The following LIMCH1 variants were observed in gnomAD, a reference collection of about 807,000 sequenced individuals.
The protein encoded by LIMCH1 is LIM and calponin homology domains 1.
Under a neutral mutation model 176.5 loss-of-function variants are expected in LIMCH1, and 113 were observed. The ratio of observed to expected loss-of-function variants is 0.64; its 90% CI spans 0.55 to 0.75. The LOEUF (loss-of-function observed/expected upper bound fraction) is 0.75. Ranked by LOEUF, LIMCH1 falls within the 30% of genes least tolerant of loss-of-function variation. The probability of loss-of-function intolerance (pLI) is 0.00; values close to 1 mark genes in which losing one functional copy is unlikely to be tolerated. For missense variants in LIMCH1, 1,674 were observed against 1,814.9 expected, an observed-to-expected ratio of 0.92 and a Z score of 1.41; for synonymous variants, 619 against 645.9, an observed-to-expected ratio of 0.96 and a Z score of 0.63.
At chr4:41,395,229 ATTTTTT>A (rs757933680) in intron 1 of LIMCH1, among the ~76,000 whole-genome samples, 1 of 130,914 alleles carries the variant, frequency 7.6e-6, no homozygotes. Context: ...GTAGAAGTTA[ATTTTTT>A]TTTTTTTTTT....
At chr4:41,487,585 T>C (rs1320203421) in intron 1 of LIMCH1, among the ~76,000 whole-genome samples, 1 of 151,936 alleles carries the variant, frequency 6.6e-6, no homozygotes, top group East Asian at 1.9e-4. Context: ...ATGCATTACA[T>C]ACTAAGATAA....
intron 22 of LIMCH1, among the ~76,000 whole-genome samples, chr4:41,675,653 T>G: frequency 6.8e-6 from 1 of 146,700 alleles, no homozygotes; most frequent in Non-Finnish European, 1.5e-5. Flanking sequence ...GTGATTTCCC[T>G]TCCCCCCACC....
intron 1 of LIMCH1, among the ~76,000 whole-genome samples, chr4:41,557,317 C>T (rs762697758): frequency 6.6e-5 from 10 of 152,118 alleles, no homozygotes; most frequent in Middle Eastern, 3.4e-3. Context: ...TTTGAAGCTT[C>T]GTAAAAAGGG....
rs745783001 is a variant in LIMCH1 at position 41,676,466 on chromosome 4, G to A, written c.3519+4G>A. ...GGAACAGGAACGTTTGCTCCAGGTA[G>A]GATGGAGTTTGCTGCTTTTTTTGTT... On this transcript the variant is annotated splice_donor_region_variant and intron_variant, in intron 23 of 31. Transcript: ENST00000503057. The A allele has an allele frequency of 6.2e-7, 1 of 1,611,724 alleles. No homozygotes were observed. Among genetic ancestry groups the A allele is most frequent in the Non-Finnish European group, 8.5e-7 (1 of 1,177,854 alleles).
intron 1 of LIMCH1, among the ~76,000 whole-genome samples, chr4:41,598,205 T>C (rs981681483): frequency 2.6e-5 from 4 of 152,148 alleles, no homozygotes; most frequent in African/African-American, 9.7e-5. Context: ...TTCAGAAGCA[T>C]TTGTTTGTAC....
chr4:41,460,193 G>T (rs532778895), intron 1 of LIMCH1, among the ~76,000 whole-genome samples: 1 of 152,032 alleles, frequency 6.6e-6, no homozygotes, highest in Non-Finnish European at 1.5e-5. Flanking sequence ...CACTAGTCAG[G>T]TGTGACTATT....
chr4:41,577,971 G>C (rs1286130213), intron 1 of LIMCH1, among the ~76,000 whole-genome samples: 10 of 152,056 alleles, frequency 6.6e-5, no homozygotes, highest in Non-Finnish European at 1.3e-4. Context: ...TTCATAAAAA[G>C]CTTTGTGAAT....
intron 1 of LIMCH1, among the ~76,000 whole-genome samples, 196 bp from the exon 2 acceptor site, chr4:41,598,724 A>G (rs1254182188): frequency 6.6e-6 from 1 of 152,122 alleles, no homozygotes; most frequent in East Asian, 1.9e-4. Flanking sequence ...TGAATCTGGC[A>G]TGGTTGTGGG....
At position 41,698,493 on chromosome 4, in the gene LIMCH1, G is replaced by GT. The variant is rs1055546083; in HGVS notation, c.*1314dup. On this transcript the variant is annotated 3_prime_UTR_variant, in exon 32 of 32. Coordinates refer to ENST00000503057, the MANE Select transcript of LIMCH1 (RefSeq NM_001330672.2). ...CATCACAATGTAGATCTCCAGGCTG[G>GT]TTTTTTGTTTTTTGTTGTTAAGACT... The GT allele has an allele frequency of 1.3e-5, 2 of 152,392 alleles. No homozygotes were observed. Among genetic ancestry groups the GT allele is most frequent in the African/African-American group, 4.8e-5 (2 of 41,410 alleles). 9.4% of individuals were successfully genotyped at this position (152,392 alleles called of 1,614,324 possible).
At chr4:41,429,470 C>A (rs1043395967) in intron 1 of LIMCH1, among the ~76,000 whole-genome samples, 1 of 152,108 alleles carries the variant, frequency 6.6e-6, no homozygotes, top group Non-Finnish European at 1.5e-5. Context: ...GTGCTGGCGA[C>A]AACAATGGCA....
chr4:41,672,979 A>G (rs1331868016), intron 22 of LIMCH1, among the ~76,000 whole-genome samples: 1 of 152,226 alleles, frequency 6.6e-6, no homozygotes, highest in African/African-American at 2.4e-5. Flanking sequence ...CCCCTAGCAC[A>G]GTGGCTGATA....
At chr4:41,372,729 C>G (rs1296724408) in intron 1 of LIMCH1, among the ~76,000 whole-genome samples, 1 of 152,124 alleles carries the variant, frequency 6.6e-6, no homozygotes, top group African/African-American at 2.4e-5. Context: ...TTTTCTGATC[C>G]ATTTTTCTTT....
chr4:41,612,489 A>G (rs2091550963), intron 4 of LIMCH1: 1 of 701,506 alleles, frequency 1.4e-6, no homozygotes, highest in Non-Finnish European at 2.6e-6. Flanking sequence ...TCTGGATGAT[A>G]TTAAATTGAG....
At chr4:41,551,288 G>C (rs1212698762) in intron 1 of LIMCH1, 1 of 152,134 alleles carries the variant, frequency 6.6e-6, no homozygotes. Context: ...CATAATTATG[G>C]ATATTTATAA....
At chr4:41,627,038 G>GTGTT (rs2152848657) in intron 8 of LIMCH1, 28 bp downstream of exon 8, 1 of 1,517,388 alleles carries the variant, frequency 6.6e-7, no homozygotes, top group Non-Finnish European at 8.8e-7. Flanking sequence ...GTGTGTGTGT[G>GTGTT]TGTGTGTGTG....
At chr4:41,429,011 T>C (rs2061363079) in intron 1 of LIMCH1, among the ~76,000 whole-genome samples, 1 of 152,212 alleles carries the variant, frequency 6.6e-6, no homozygotes, top group African/African-American at 2.4e-5. Context: ...AAGGGCCTCC[T>C]TGTTTGAAAT....
intron 18 of LIMCH1, among the ~76,000 whole-genome samples, chr4:41,654,332 G>C (rs2094402708): frequency 6.6e-6 from 1 of 152,270 alleles, no homozygotes; most frequent in East Asian, 1.9e-4. Context: ...GAGATCACGA[G>C]GGTAAACAAC....
At chr4:41,367,886 A>AG in intron 1 of LIMCH1, among the ~76,000 whole-genome samples, 1 of 148,668 alleles carries the variant, frequency 6.7e-6, no homozygotes, top group African/African-American at 2.5e-5. Flanking sequence ...AAAAAAAAAA[A>AG]GAAATCAAGG....
At chr4:41,573,649 AT>A (rs2083931972) in intron 1 of LIMCH1, among the ~76,000 whole-genome samples, 1 of 152,224 alleles carries the variant, frequency 6.6e-6, no homozygotes, top group Admixed American at 6.5e-5. Flanking sequence ...GGTGGTTGCT[AT>A]TTTTAAGCTA....
Sources: gnomAD v4.1 joint callset for allele counts (sites outside exome capture counted in the v4.1 genomes callset) on GRCh38, gnomAD v4.1.1 for gene constraint, MANE v1.5 for transcripts, NCBI Gene and HGNC (gene_info 2026-07-23, HGNC 2026-07-21) for gene names.